Variants in SLC25A24 observed in about 807,000 individuals in gnomAD.
SLC25A24 encodes the protein solute carrier family 25 member 24.
A neutral mutation model predicts 60.7 loss-of-function variants in SLC25A24; 49 were observed. That is an observed-to-expected ratio of 0.81 (90% CI 0.64 to 1.02). The LOEUF is 1.02. Among genes scored for constraint, SLC25A24 ranks in the 50% least tolerant of loss-of-function variants. The pLI is 0.00. For synonymous variants in SLC25A24, 202 were observed against 200.6 expected, an observed-to-expected ratio of 1.01 and a Z score of -0.06; for missense variants, 564 against 586.3, an observed-to-expected ratio of 0.96 and a Z score of 0.39.
intron 3 of SLC25A24, among the ~76,000 whole-genome samples, chr1:108,168,709 T>G (rs1006175827): frequency 6.6e-6 from 1 of 152,254 alleles, no homozygotes. Context: ...TGTCTTTTTC[T>G]TATTTACATA....
In SLC25A24 at chr1:108,139,089, C is replaced by T. The variant is rs1679372067; in HGVS notation, c.1218G>A (p.Leu406=). ...STCGQLASYP[L]ALVRTRMQAQ... ...CCTGCATGCGAGTTCTCACCAAAGC[C>T]AATGGGTAGCTGGCCAGCTGACCAC... Residue 406 remains leucine, a synonymous_variant, in exon 9 of 10, where the codon TTG becomes TTA. Transcript: ENST00000565488. 6.2e-7 allele frequency: 1 copy of T among 1,606,798 alleles called. No homozygotes were observed. The highest frequency in any genetic ancestry group is 1.3e-5 in the African/African-American group (1 of 74,634).
chr1:108,185,722 A>C (rs1009548152), intron 2 of SLC25A24, 106 bp downstream of exon 2: 7 of 818,604 alleles, frequency 8.6e-6, no homozygotes, highest in South Asian at 1.9e-5. Flanking sequence ...CACAAATAAT[A>C]ATTATCATCT....
At chr1:108,155,938 T>C (rs910482509) in intron 5 of SLC25A24, among the ~76,000 whole-genome samples, 25 of 141,778 alleles carry the variant, frequency 1.8e-4, no homozygotes, top group African/African-American at 6.6e-4. Context: ...ATAAAAGGGG[T>C]GACTACCACT....
intron 6 of SLC25A24, among the ~76,000 whole-genome samples, chr1:108,154,130 CT>C (rs1571285266): frequency 6.9e-6 from 1 of 144,832 alleles, no homozygotes; most frequent in East Asian, 2.0e-4. Flanking sequence ...TACCACTGGA[CT>C]TCGTAAACTT....
At position 108,163,966 on chromosome 1, in the gene SLC25A24, A is replaced by C. The variant is rs550641584; in HGVS notation, c.399-2673T>G. On this transcript the variant is annotated intron_variant, in intron 3 of 9. Coordinates refer to ENST00000565488, the MANE Select transcript of SLC25A24 (RefSeq NM_013386.5). ...CTGTTATTATTTTGAGATACATCCC[A>C]TCAATACCTAATTTATTGAAAGTTT... is the stretch of plus-strand genomic sequence containing the variant. 4.6e-5 allele frequency among the ~76,000 whole-genome samples: 7 copies of C among 152,332 alleles called. No individual in the cohort carries two copies. The East Asian group carries it at 1.4e-3, about 29-fold the overall frequency.
intron 1 of SLC25A24, among the ~76,000 whole-genome samples, chr1:108,196,308 CAAG>C (rs1648495228): frequency 6.6e-6 from 1 of 152,174 alleles, no homozygotes; most frequent in Admixed American, 6.5e-5. Flanking sequence ...AGAGGTTCCT[CAAG>C]AAGTTCACCA....
intron 1 of SLC25A24, among the ~76,000 whole-genome samples, chr1:108,190,039 T>C (rs1309091485): frequency 6.6e-6 from 1 of 152,058 alleles, no homozygotes; most frequent in Non-Finnish European, 1.5e-5. Flanking sequence ...TGTATGTTCC[T>C]TCTAGAAATA....
intron 4 of SLC25A24, among the ~76,000 whole-genome samples, chr1:108,159,240 T>C (rs1679987123): frequency 6.6e-6 from 1 of 152,188 alleles, no homozygotes; most frequent in Non-Finnish European, 1.5e-5. Context: ...AAGTGCCTTA[T>C]GCCAGAGATA....
At chr1:108,198,583 A>G (rs1448133053) in intron 1 of SLC25A24, 1 of 152,274 alleles carries the variant, frequency 6.6e-6, no homozygotes, top group East Asian at 1.9e-4. Flanking sequence ...ACACAAACAT[A>G]TAACAGAATA....
intron 8 of SLC25A24, among the ~76,000 whole-genome samples, chr1:108,140,365 A>G (rs529565892): frequency 6.6e-6 from 1 of 152,310 alleles, no homozygotes; most frequent in Admixed American, 6.5e-5. Flanking sequence ...GATACAGCTT[A>G]TCACCACTAG....
At position 108,199,864 on chromosome 1, in the gene SLC25A24, A is replaced by G. The variant is rs1285851786; in HGVS notation, c.183+92T>C. On this transcript the variant is annotated intron_variant, in intron 1 of 9. Transcript: ENST00000565488. ...ACAGTTCCTCCTTCCTCTCCTGGCA[A>G]CGCCTCAAGCCGCCGCCCTCCTCGG... 4.1e-6 allele frequency: 4 copies of G among 982,516 alleles called. No individual in the cohort carries two copies. In the South Asian group the frequency reaches 4.8e-5, roughly 12 times the overall value. The allele number at this position is 982,516 out of a possible 1,614,324, so 60.9% of individuals were successfully genotyped here. A position where few individuals can be genotyped will look rare whatever the true frequency, so the allele number is the denominator to read the frequency against.
At chr1:108,159,736 A>C (rs1204346511) in intron 4 of SLC25A24, among the ~76,000 whole-genome samples, 1 of 151,464 alleles carries the variant, frequency 6.6e-6, no homozygotes, top group South Asian at 2.1e-4. Flanking sequence ...AATCCATTTA[A>C]CCCTGAGTGG....
At chr1:108,147,874 T>C (rs1679649110) in intron 7 of SLC25A24, among the ~76,000 whole-genome samples, 1 of 151,718 alleles carries the variant, frequency 6.6e-6, no homozygotes, top group African/African-American at 2.4e-5. Context: ...AGGCAAAAGA[T>C]ACCAGCTTTC....
intron 3 of SLC25A24, among the ~76,000 whole-genome samples, chr1:108,181,690 A>T (rs183721050): frequency 4.3e-4 from 65 of 152,296 alleles, no homozygotes; most frequent in Non-Finnish European, 7.8e-4. Flanking sequence ...TGGAGTTAAA[A>T]CCTTACTTCC....
At chr1:108,155,970 C>T (rs976014255) in intron 5 of SLC25A24, among the ~76,000 whole-genome samples, 7 of 152,110 alleles carry the variant, frequency 4.6e-5, no homozygotes, top group Admixed American at 2.0e-4. Context: ...CACACACACA[C>T]ACACACACAC....
Position 108,136,677 on chromosome 1 carries a change from T to C in SLC25A24, c.1410A>G (p.Gln470=), listed in dbSNP as rs1679295433. ...ATCATTTCTGGGTTACTCCTAAAGT[T>C]TGCTTCATATTTTCATAAACCACAT... ...ISYVVYENMK[Q]TLGVTQK Residue 470 remains glutamine, a synonymous_variant, in exon 10 of 10, where the codon CAA becomes CAG. Transcript: ENST00000565488. 5 of 1,613,610 alleles carry C rather than the reference T, an allele frequency of 3.1e-6. No homozygotes were observed. The African/African-American group carries it at 4.0e-5, about 13-fold the overall frequency.
intron 1 of SLC25A24, chr1:108,198,398 T>C (rs557396663): frequency 1.3e-5 from 2 of 152,328 alleles, no homozygotes; most frequent in African/African-American, 4.8e-5. Context: ...GTTTAAAATG[T>C]GTGTTACCTT....
At chr1:108,175,767 T>G (rs1647654956) in intron 3 of SLC25A24, among the ~76,000 whole-genome samples, 2 of 152,186 alleles carry the variant, frequency 1.3e-5, no homozygotes, top group African/African-American at 2.4e-5. Context: ...ACTGAAACCT[T>G]CATTCATTGC....
At position 108,199,925 on chromosome 1, in the gene SLC25A24, A is replaced by G. The variant is rs754375942; in HGVS notation, c.183+31T>C. On this transcript the variant is annotated intron_variant, in intron 1 of 9. Coordinates refer to ENST00000565488, the MANE Select transcript of SLC25A24 (RefSeq NM_013386.5). ...GTCCCCAGCGCCCGCAGCCCTCCCT[A>G]CGCTCAGGCGGCGCCCCGGCGGCGA... 18 of 1,566,034 alleles carry G rather than the reference A, an allele frequency of 1.1e-5. No individual in the cohort carries two copies. The South Asian group carries it at 2.0e-4, about 17-fold the overall frequency.
Sources: allele counts gnomAD v4.1 joint callset (sites outside exome capture counted in the v4.1 genomes callset), GRCh38; gene constraint gnomAD v4.1.1; transcripts MANE v1.5; gene names NCBI Gene and HGNC (gene_info 2026-07-23, HGNC 2026-07-21).